Variants in CACNA2D1 observed in about 807,000 individuals in gnomAD.
CACNA2D1 encodes calcium voltage-gated channel auxiliary subunit alpha2delta 1.
Under a neutral mutation model 171.5 loss-of-function variants are expected in CACNA2D1, and 53 were observed. The ratio of observed to expected loss-of-function variants is 0.31; its 90% CI spans 0.25 to 0.39. The LOEUF is 0.39. Ranked by LOEUF, CACNA2D1 falls within the 10% of genes least tolerant of loss-of-function variation. The pLI is 1.00. For missense variants in CACNA2D1, 903 were observed against 1,299.8 expected, an observed-to-expected ratio of 0.69 and a Z score of 4.69; for synonymous variants, 442 against 443.1, an observed-to-expected ratio of 1.00 and a Z score of 0.03.
At chr7:82,390,099 G>A (rs923799050) in intron 1 of CACNA2D1, among the ~76,000 whole-genome samples, 2 of 152,128 alleles carry the variant, frequency 1.3e-5, no homozygotes, top group Non-Finnish European at 2.9e-5. Context: ...TTACAGAAAG[G>A]GCAATGTAGG....
intron 5 of CACNA2D1, among the ~76,000 whole-genome samples, chr7:82,128,385 T>C (rs893575648): frequency 1.5e-4 from 23 of 152,136 alleles, no homozygotes; most frequent in African/African-American, 5.1e-4. Context: ...AGCCACAAGG[T>C]GAATATAAAT....
intron 3 of CACNA2D1, among the ~76,000 whole-genome samples, chr7:82,230,414 G>C (rs1445742479): frequency 2.0e-5 from 3 of 152,128 alleles, no homozygotes. Flanking sequence ...TTTCTAGTTT[G>C]GAGCTATGAA....
intron 1 of CACNA2D1, among the ~76,000 whole-genome samples, chr7:82,350,199 C>A (rs1184721554): frequency 6.6e-6 from 1 of 152,150 alleles, no homozygotes; most frequent in South Asian, 2.1e-4. Context: ...TTTCCCATGA[C>A]GTTACATTTT....
At chr7:82,090,368 A>T (rs1332513500) in intron 6 of CACNA2D1, among the ~76,000 whole-genome samples, 1 of 152,166 alleles carries the variant, frequency 6.6e-6, no homozygotes, top group Non-Finnish European at 1.5e-5. Context: ...AGATGTAGCT[A>T]TTAAAGATAT....
Position 81,950,297 on chromosome 7 carries a change from A to G in CACNA2D1, c.*95T>C. On this transcript the variant is annotated 3_prime_UTR_variant, in exon 39 of 39. Transcript: ENST00000356860. Reference sequence around the variant, plus strand: ...AACAGGCCCAGCTAATGTTTGTCTGATTTTATAGCTGACCCTACGTTACTG... The same window carrying G: ...AACAGGCCCAGCTAATGTTTGTCTGGTTTTATAGCTGACCCTACGTTACTG... The G allele has an allele frequency of 6.2e-7, 1 of 1,610,276 alleles. No homozygotes were observed. The highest frequency in any genetic ancestry group is 1.1e-5 in the South Asian group (1 of 90,766).
intron 2 of CACNA2D1, 74 bp downstream of exon 2, chr7:82,349,494 C>G: frequency 8.6e-7 from 1 of 1,156,542 alleles, no homozygotes; most frequent in Admixed American, 1.7e-5. Context: ...TATAGAGACA[C>G]AGTTTCCTAG....
In CACNA2D1 at chr7:82,295,845, A is replaced by T. The variant is rs1215288760; in HGVS notation, c.294+39290T>A. On this transcript the variant is annotated intron_variant, in intron 3 of 38. Transcript: ENST00000356860. ...TGCGGCACTATTCACAATAGCAAAGACTTGGAACCAACCCAAATGTCCAAC... is the reference window on the plus strand; with the variant it reads ...TGCGGCACTATTCACAATAGCAAAGTCTTGGAACCAACCCAAATGTCCAAC... Among the ~76,000 whole-genome samples, 6 of 152,172 alleles carry T rather than the reference A, an allele frequency of 3.9e-5. No homozygotes were observed. The East Asian group carries it at 1.2e-3, about 30-fold the overall frequency.
intron 3 of CACNA2D1, among the ~76,000 whole-genome samples, chr7:82,211,158 A>G (rs1032262907): frequency 6.6e-6 from 1 of 151,840 alleles, no homozygotes; most frequent in African/African-American, 2.4e-5. Context: ...ACTCTCAATC[A>G]ATTTCCCTTG....
At position 82,144,892 on chromosome 7, in the gene CACNA2D1, G is replaced by T. The variant is rs115621576; in HGVS notation, c.355-8216C>A. ...AAAGTAAAATGATTTTGCTAGCGTG[G>T]TTCAATAATGTATGGATTATAATGA... is the stretch of plus-strand genomic sequence containing the variant. On this transcript the variant is annotated intron_variant, in intron 4 of 38. Coordinates refer to ENST00000356860, the MANE Select transcript of CACNA2D1 (RefSeq NM_000722.4). Among the ~76,000 whole-genome samples the T allele has an allele frequency of 4.8e-3, 730 of 150,704 alleles. 4 individuals carry two copies. Among genetic ancestry groups the T allele is most frequent in the African/African-American group, 0.017 (698 of 41,318 alleles).
chr7:82,159,018 C>T (rs923497575), intron 4 of CACNA2D1, among the ~76,000 whole-genome samples: 14 of 151,780 alleles, frequency 9.2e-5, no homozygotes, highest in Non-Finnish European at 1.8e-4. Context: ...TGGTTTACAT[C>T]ATATTTTCTT....
intron 1 of CACNA2D1, among the ~76,000 whole-genome samples, chr7:82,400,866 AC>A (rs1460740137): frequency 4.6e-4 from 70 of 151,976 alleles, no homozygotes; most frequent in Non-Finnish European, 8.5e-4. Context: ...CAAGAAAAAA[AC>A]AAACAACCCC....
chr7:82,103,082 C>T (rs375383199), intron 6 of CACNA2D1, among the ~76,000 whole-genome samples: 142 of 152,134 alleles, frequency 9.3e-4, no homozygotes, highest in African/African-American at 3.2e-3. Context: ...CTAAGGCAGG[C>T]GGATCACTTG....
At chr7:82,283,950 A>T (rs1810445320) in intron 3 of CACNA2D1, among the ~76,000 whole-genome samples, 1 of 152,144 alleles carries the variant, frequency 6.6e-6, no homozygotes, top group Non-Finnish European at 1.5e-5. Flanking sequence ...AGGGGAAATA[A>T]ATCAGAAAAC....
chr7:82,195,642 T>C (rs933441353), intron 3 of CACNA2D1, among the ~76,000 whole-genome samples: 3 of 150,664 alleles, frequency 2.0e-5, no homozygotes, highest in Non-Finnish European at 1.5e-5. Context: ...TATAATTTCC[T>C]AATCAATTTC....
chr7:82,373,685 T>C (rs1363443592), intron 1 of CACNA2D1, among the ~76,000 whole-genome samples: 1 of 152,204 alleles, frequency 6.6e-6, no homozygotes, highest in African/African-American at 2.4e-5. Flanking sequence ...GTGGCACCAG[T>C]AACTCCCTAG....
intron 3 of CACNA2D1, among the ~76,000 whole-genome samples, chr7:82,292,814 A>G (rs1013010373): frequency 1.3e-5 from 2 of 152,114 alleles, no homozygotes; most frequent in Admixed American, 6.5e-5. Context: ...ATGGGTATAT[A>G]TAATTTAAAT....
chr7:82,036,563 T>C (rs745936650), intron 11 of CACNA2D1, among the ~76,000 whole-genome samples: 7 of 152,146 alleles, frequency 4.6e-5, no homozygotes, highest in Non-Finnish European at 1.0e-4. Context: ...CTCTGTGCTG[T>C]CCCAGGGAAC....
At chr7:82,013,695 G>T (rs1351325070) in intron 13 of CACNA2D1, among the ~76,000 whole-genome samples, 185 bp from the exon 14 acceptor site, 1 of 151,458 alleles carries the variant, frequency 6.6e-6, no homozygotes, top group African/African-American at 2.4e-5. Context: ...CAAACACACA[G>T]GCTTTGTGAA....
chr7:82,232,363 T>A (rs1256652653), intron 3 of CACNA2D1, among the ~76,000 whole-genome samples: 1 of 152,146 alleles, frequency 6.6e-6, no homozygotes, highest in African/African-American at 2.4e-5. Context: ...TGTTCGCCTT[T>A]TTGTACTGCT....
Sources: gnomAD v4.1 joint callset for allele counts (sites outside exome capture counted in the v4.1 genomes callset) on GRCh38, gnomAD v4.1.1 for gene constraint, MANE v1.5 for transcripts, NCBI Gene and HGNC (gene_info 2026-07-23, HGNC 2026-07-21) for gene names.